The following SPTAN1 variants were observed in gnomAD, a reference collection of about 807,000 sequenced individuals.
SPTAN1 encodes spectrin alpha chain, non-erythrocytic 1.
Under a neutral mutation model 331.3 loss-of-function variants are expected in SPTAN1, and 61 were observed. The observed-to-expected ratio is 0.18, with a 90% confidence interval of 0.15 to 0.23. The LOEUF (loss-of-function observed/expected upper bound fraction) is 0.23. Ranked by LOEUF, SPTAN1 falls within the 10% of genes least tolerant of loss-of-function variation. The probability of loss-of-function intolerance (pLI) is 1.00; values close to 1 mark genes in which losing one functional copy is unlikely to be tolerated. For missense variants in SPTAN1, 2,043 were observed against 3,147.9 expected, an observed-to-expected ratio of 0.65 and a Z score of 8.40; for synonymous variants, 1,153 against 1,173.9, an observed-to-expected ratio of 0.98 and a Z score of 0.36.
At chr9:128,560,872 C>T (rs376531572) in intron 1 of SPTAN1, among the ~76,000 whole-genome samples, 4 of 151,326 alleles carry the variant, frequency 2.6e-5, no homozygotes, top group African/African-American at 7.3e-5. Context: ...AAAAATTAGT[C>T]GCGTGTGGTG....
chr9:128,566,182 G>C (rs771194437), intron 1 of SPTAN1, among the ~76,000 whole-genome samples: 3 of 152,138 alleles, frequency 2.0e-5, no homozygotes, highest in South Asian at 2.1e-4. Flanking sequence ...TTAGCCTCCT[G>C]AGTAGCTGGT....
chr9:128,580,958 G>A lies in SPTAN1; in HGVS notation c.1360G>A (p.Glu454Lys). The A allele has an allele frequency of 6.2e-7, 1 of 1,613,742 alleles. No individual in the cohort carries two copies. ...TTCCGAGGAGAGAGCGGCGCTGCTG[G>A]AGCTGTGGGAGCTGCGCAGGCAGCA... Reference protein sequence around the residue: ...VLSEERAALLELWELRRQQYE... With the variant: ...VLSEERAALLKLWELRRQQYE... The change falls in exon 11 of 57, where the codon GAG (glutamate) becomes AAG (lysine). Residue 454 changes from glutamate (E) to lysine (K), a missense_variant. Glu to Lys is a moderately conservative substitution (Grantham distance 56). Around this residue, in one of 12 missense-constraint regions of SPTAN1, gnomAD observed 1,038 missense variants for 1,531.5 expected, o/e 0.68. Coordinates refer to ENST00000372739, the MANE Select transcript of SPTAN1 (RefSeq NM_001130438.3).
In SPTAN1 at chr9:128,583,774, GT is replaced by G. The variant is rs1190948846; in HGVS notation, c.2012-10del. 5.6e-6 allele frequency: 9 copies of G among 1,614,118 alleles called. No homozygotes were observed. The highest frequency in any genetic ancestry group is 4.4e-5 in the South Asian group (4 of 91,088). On this transcript the variant is annotated splice_polypyrimidine_tract_variant and intron_variant, in intron 15 of 56. Transcript: ENST00000372739. ...TGCTAAGCAGTACAAAATTAAACTT[GT>G]TTTCTTCCATAGGAATAAAGCTTCG...
At position 128,585,833 on chromosome 9, in the gene SPTAN1, T is replaced by G. The variant is rs1482858662; in HGVS notation, c.2646T>G (p.Arg882=). The change falls in exon 19 of 57, where the codon CGT becomes CGG. Residue 882 remains arginine (R), a synonymous_variant. Transcript: ENST00000372739. The part of the protein sequence containing the change: ...WEALKAKASQ[R]RQDLEDSLQA... Reference sequence around the variant, plus strand: ...CACTGAAAGCCAAAGCTTCCCAGCGTCGGCAGGACCTGGAGGACTCTCTGC... The same window carrying G: ...CACTGAAAGCCAAAGCTTCCCAGCGGCGGCAGGACCTGGAGGACTCTCTGC... 6.2e-7 allele frequency: 1 copy of G among 1,614,054 alleles called. No homozygotes were observed. The highest frequency in any genetic ancestry group is 1.3e-5 in the African/African-American group (1 of 74,920).
At chr9:128,628,791 T>C in intron 51 of SPTAN1, 1 of 237,616 alleles carries the variant, frequency 4.2e-6, no homozygotes, top group Non-Finnish European at 8.1e-6. Context: ...GCTGGGGACG[T>C]AGGGATCGCA....
At chr9:128,602,499 G>GA (rs1196956146) in intron 27 of SPTAN1, among the ~76,000 whole-genome samples, 1 of 152,242 alleles carries the variant, frequency 6.6e-6, no homozygotes, top group East Asian at 1.9e-4. Context: ...TTACAGGCGT[G>GA]AGCCATCATG....
chr9:128,566,626 A>G (rs1323953028), intron 1 of SPTAN1, 112 bp from the exon 2 acceptor site: 34 of 1,515,654 alleles, frequency 2.2e-5, no homozygotes, highest in Non-Finnish European at 2.7e-5. Flanking sequence ...TTCTCAATTC[A>G]TTTGTCTCCT....
intron 27 of SPTAN1, 87 bp from the exon 28 acceptor site, chr9:128,603,456 A>G: frequency 6.8e-7 from 1 of 1,466,824 alleles, no homozygotes; most frequent in South Asian, 1.1e-5. Context: ...GGTTAATCAC[A>G]GGGACCTAAT....
At chr9:128,618,761 G>A (rs1043842908) in intron 43 of SPTAN1, 110 bp from the exon 44 acceptor site, 2 of 1,543,194 alleles carry the variant, frequency 1.3e-6, no homozygotes, top group Admixed American at 3.3e-5. Context: ...GGGATTGCAG[G>A]CATGAGCCAC....
At chr9:128,600,629 C>T (rs981454831) in intron 27 of SPTAN1, among the ~76,000 whole-genome samples, 23 of 152,194 alleles carry the variant, frequency 1.5e-4, no homozygotes, top group African/African-American at 4.8e-4. Flanking sequence ...AATGGGCCAT[C>T]CCTGACCAAG....
intron 46 of SPTAN1, chr9:128,624,700 TAAAC>T (rs1451349902): frequency 1.6e-5 from 10 of 613,212 alleles, no homozygotes; most frequent in Non-Finnish European, 2.3e-5. Flanking sequence ...CCAGGGTCAA[TAAAC>T]AAAAGCCTGT....
At chr9:128,628,047 C>T in intron 51 of SPTAN1, 105 bp downstream of exon 51, 3 of 1,433,202 alleles carry the variant, frequency 2.1e-6, no homozygotes, top group African/African-American at 2.8e-5. Flanking sequence ...CCTTCCTGCC[C>T]AGGGCGGGCT....
At chr9:128,614,680 A>T (rs2131728690) in intron 40 of SPTAN1, among the ~76,000 whole-genome samples, 1 of 151,604 alleles carries the variant, frequency 6.6e-6, no homozygotes, top group East Asian at 1.9e-4. Context: ...CCGAGGCGGG[A>T]GGTTCACTTG....
intron 39 of SPTAN1, 76 bp from the exon 40 acceptor site, chr9:128,613,305 C>A: frequency 8.0e-7 from 1 of 1,256,150 alleles, no homozygotes; most frequent in Non-Finnish European, 1.2e-6. Context: ...GGAATAGCCA[C>A]TGGGCAACCT....
chr9:128,574,023 A>G (rs7043692), intron 3 of SPTAN1, among the ~76,000 whole-genome samples: 147,459 of 152,300 alleles, frequency 0.97, 71,546 homozygotes, highest in Non-Finnish European at 1. Flanking sequence ...AAAGTGCTGG[A>G]ATTACAGGCA....
intron 24 of SPTAN1, chr9:128,595,809 T>G (rs915867195): frequency 1.3e-5 from 2 of 152,192 alleles, no homozygotes; most frequent in Non-Finnish European, 2.9e-5. Context: ...GTTATGTCAC[T>G]TTTTGTGACT....
chr9:128,582,089 G>T (rs1474221471), intron 12 of SPTAN1, 197 bp downstream of exon 12: 1 of 621,130 alleles, frequency 1.6e-6, no homozygotes, highest in East Asian at 2.8e-5. Context: ...TTTACTTAAT[G>T]GAAACCTCCA....
At chr9:128,626,243 A>G in intron 48 of SPTAN1, 148 bp from the exon 49 acceptor site, 1 of 1,081,120 alleles carries the variant, frequency 9.2e-7, no homozygotes, top group Non-Finnish European at 1.4e-6. Flanking sequence ...TTGAAGGGGG[A>G]GCAGGAGACA....
rs796053326 is a variant in SPTAN1, at chr9:128,632,158, G to C, written c.6794G>C (p.Ser2265Thr). The C allele has an allele frequency of 5.0e-6, 8 of 1,613,388 alleles. No homozygotes were observed. The highest frequency in any genetic ancestry group is 1.3e-5 in the African/African-American group (1 of 74,944). The change falls in exon 53 of 57, where the codon AGT becomes ACT. Residue 2265 changes from serine to threonine, a missense_variant. Coordinates refer to ENST00000372739, the MANE Select transcript of SPTAN1 (RefSeq NM_001130438.3). ...RKHQEIRAMR[S>T]QLKKIEDLGA... ...CACCAGGAAATCCGAGCCATGAGAA[G>C]TCAGCTCAAAAAGATCGAGGACCTG... is the stretch of plus-strand genomic sequence containing the variant.
Sources: gnomAD v4.1 joint callset for allele counts (sites outside exome capture counted in the v4.1 genomes callset) on GRCh38, gnomAD v4.1.1 for gene constraint, gnomAD v4.1.1 regional missense constraint, MANE v1.5 for transcripts, NCBI Gene and HGNC (gene_info 2026-07-23, HGNC 2026-07-21) for gene names.